The following DCAF6 variants were observed in gnomAD, a reference collection of about 807,000 sequenced individuals.
DCAF6 encodes DDB1 and CUL4 associated factor 6.
In DCAF6, 54 loss-of-function variants were observed where a neutral mutation model predicts 125.1. The observed-to-expected ratio is 0.43, with a 90% CI of 0.35 to 0.54. The LOEUF is 0.54. DCAF6 is among the 20% of genes least tolerant of loss of function. The probability of loss-of-function intolerance (pLI) is 0.01; values close to 1 mark genes in which losing one functional copy is unlikely to be tolerated. For synonymous variants in DCAF6, 371 were observed against 390.4 expected (o/e 0.95, Z 0.58); for missense variants, 934 against 1,161.7 (o/e 0.80, Z 2.85).
chr1:167,863,876 G>GT, the DCAF6 span, among the ~76,000 whole-genome samples: 1 of 152,224 alleles, frequency 6.6e-6, no homozygotes, highest in Non-Finnish European at 1.5e-5. Flanking sequence ...CTCCATTTGA[G>GT]TGGAAGCATG....
the DCAF6 span, among the ~76,000 whole-genome samples, chr1:167,866,913 C>T: frequency 1.3e-5 from 2 of 152,264 alleles, no homozygotes; most frequent in South Asian, 2.1e-4. Context: ...CTGGCAGCAA[C>T]GGCCCTGTTA....
the DCAF6 span, among the ~76,000 whole-genome samples, chr1:167,913,283 G>A: frequency 1.3e-5 from 2 of 152,170 alleles, no homozygotes; most frequent in African/African-American, 4.8e-5. Context: ...ACCCAAAAAT[G>A]AAAAGAGAAA....
At chr1:168,053,485 CA>C (rs1185896561) in intron 17 of DCAF6, among the ~76,000 whole-genome samples, 2 of 152,230 alleles carry the variant, frequency 1.3e-5, no homozygotes, top group South Asian at 4.1e-4. Flanking sequence ...TTGCTTGCTA[CA>C]AAGACTCAAA....
chr1:168,045,476 G>A (rs1404842016), intron 16 of DCAF6, among the ~76,000 whole-genome samples: 1 of 152,192 alleles, frequency 6.6e-6, no homozygotes, highest in African/African-American at 2.4e-5. Context: ...GCTTGCTTCT[G>A]AATTTACAGA....
chr1:167,916,100 T>G, the DCAF6 span, among the ~76,000 whole-genome samples: 1 of 152,240 alleles, frequency 6.6e-6, no homozygotes, highest in African/African-American at 2.4e-5. Context: ...GTAACTGCAT[T>G]GATAGTAAGG....
At chr1:168,017,314 T>C (rs183497312) in intron 11 of DCAF6, among the ~76,000 whole-genome samples, 1 of 151,320 alleles carries the variant, frequency 6.6e-6, no homozygotes. Context: ...GAAAGAAAAA[T>C]AAAATGTCCC....
chr1:167,936,687 G>T lies in DCAF6; in HGVS notation c.-225G>T. On this transcript the variant is annotated 5_prime_UTR_variant, in exon 1 of 22. The change abolishes an upstream ATG in the 5' untranslated region. Coordinates refer to ENST00000367840, the MANE Select transcript of DCAF6 (RefSeq NM_001198956.2). Reference sequence around the variant, plus strand: ...AGGAGACTGTTGCTGATCTTTGGATGTTCTGGTTAGTCTAAGAAGGAGAGT... The same window carrying T: ...AGGAGACTGTTGCTGATCTTTGGATTTTCTGGTTAGTCTAAGAAGGAGAGT... 1.9e-6 allele frequency: 1 copy of T among 514,978 alleles called. No individual in the cohort carries two copies. Among genetic ancestry groups the T allele is most frequent in the East Asian group, 3.5e-5 (1 of 28,176 alleles). The allele number at this position is 514,978 out of a possible 1,614,324, so 31.9% of individuals were successfully genotyped here.
In DCAF6 at chr1:168,014,854, G is replaced by A. The variant is rs74120598; in HGVS notation, c.1379-927G>A. Among the ~76,000 whole-genome samples the A allele has an allele frequency of 4.6e-5, 7 of 152,204 alleles. No homozygotes were observed. In the East Asian group the frequency reaches 1.3e-3, roughly 29 times the overall value. ...TTTCCTCGAGGTGTTTGTTCAAGTG[G>A]TGCCTTATGAGAGAAGCTTTCCTGA... On this transcript the variant is annotated intron_variant, in intron 10 of 21. Coordinates refer to ENST00000367840, the MANE Select transcript of DCAF6 (RefSeq NM_001198956.2).
At chr1:168,009,380 TTCCTTC>T (rs1557971124) in intron 10 of DCAF6, among the ~76,000 whole-genome samples, 8 of 145,206 alleles carry the variant, frequency 5.5e-5, no homozygotes, top group Admixed American at 3.4e-4. Flanking sequence ...CCTTCCTTCC[TTCCTTC>T]CTTTCTTTCT....
the DCAF6 span, among the ~76,000 whole-genome samples, chr1:167,906,363 T>C: frequency 4.0e-5 from 6 of 149,372 alleles, no homozygotes; most frequent in African/African-American, 1.2e-4. Flanking sequence ...ATAACTAAGG[T>C]TTAAAAAAAA....
chr1:168,019,210 G>T (rs75235967), intron 11 of DCAF6, among the ~76,000 whole-genome samples: 1 of 151,968 alleles, frequency 6.6e-6, no homozygotes, highest in African/African-American at 2.4e-5. Flanking sequence ...CACTATGCCC[G>T]GCTAATTTTT....
At chr1:167,887,584 T>C in the DCAF6 span, among the ~76,000 whole-genome samples, 2 of 152,024 alleles carry the variant, frequency 1.3e-5, no homozygotes, top group African/African-American at 4.8e-5. Context: ...TTAGGAGATA[T>C]ACCTAATGTA....
chr1:167,923,695 C>T, the DCAF6 span, among the ~76,000 whole-genome samples: 1 of 149,738 alleles, frequency 6.7e-6, no homozygotes, highest in African/African-American at 2.5e-5. Flanking sequence ...TGTATTTTAC[C>T]ACATTAAAAA....
chr1:167,991,185 A>G lies in DCAF6; in HGVS notation c.553-19A>G, dbSNP rs747661098. The G allele has an allele frequency of 6.2e-7, 1 of 1,602,286 alleles. No homozygotes were observed. The highest frequency in any genetic ancestry group is 1.7e-5 in the Admixed American group (1 of 58,696). On this transcript the variant is annotated intron_variant, in intron 5 of 21. Coordinates refer to ENST00000367840, the MANE Select transcript of DCAF6 (RefSeq NM_001198956.2). ...TGCTGTATAACTATATGTAATTGGT[A>G]TTATGTTATGTTTTGTAGGATATTT...
At chr1:167,915,655 T>C in the DCAF6 span, among the ~76,000 whole-genome samples, 4 of 152,148 alleles carry the variant, frequency 2.6e-5, no homozygotes, top group Non-Finnish European at 5.9e-5. Flanking sequence ...TTCACCATGT[T>C]AGTCAGTCTT....
At chr1:168,043,165 G>C in intron 14 of DCAF6, 25 bp downstream of exon 14, 1 of 1,550,646 alleles carries the variant, frequency 6.4e-7, no homozygotes, top group Non-Finnish European at 8.9e-7. Flanking sequence ...TGCTTTTGTT[G>C]TTATAAAATT....
At position 167,987,510 on chromosome 1, in the gene DCAF6, A is replaced by C; in HGVS notation, c.454A>C (p.Asn152His). ...TCATCTTCAGATTATGACTGTACCC[A>C]ATGACCCTTACACTTTTCTCTCTTG... ...GTTYEIMTVP[N>H]DPYTFLSCGE... Residue 152 changes from asparagine (N) to histidine (H), a missense_variant, in exon 5 of 22, where the codon AAT becomes CAT. Asn to His is a moderately conservative substitution (Grantham distance 68). Coordinates refer to ENST00000367840, the MANE Select transcript of DCAF6 (RefSeq NM_001198956.2). 6.3e-7 allele frequency: 1 copy of C among 1,583,394 alleles called. No homozygotes were observed. The highest frequency in any genetic ancestry group is 8.7e-7 in the Non-Finnish European group (1 of 1,155,092).
At chr1:168,040,637 A>G (rs1688405959) in intron 13 of DCAF6, among the ~76,000 whole-genome samples, 1 of 151,360 alleles carries the variant, frequency 6.6e-6, no homozygotes, top group African/African-American at 2.4e-5. Context: ...AGGTCATCGT[A>G]CTTATCACGT....
intron 11 of DCAF6, among the ~76,000 whole-genome samples, chr1:168,017,228 T>C (rs1274214000): frequency 6.7e-6 from 1 of 150,370 alleles, no homozygotes; most frequent in African/African-American, 2.4e-5. Context: ...ACATTTTTGT[T>C]TTTTTTTTTG....
Sources: allele counts gnomAD v4.1 joint callset (sites outside exome capture counted in the v4.1 genomes callset), GRCh38; gene constraint gnomAD v4.1.1; transcripts MANE v1.5; gene names NCBI Gene and HGNC (gene_info 2026-07-23, HGNC 2026-07-21).